The following ATP8A2 variants were observed in gnomAD, a reference collection of about 807,000 sequenced individuals.
The protein encoded by ATP8A2 is ATPase phospholipid transporting 8A2.
In ATP8A2, 100 loss-of-function variants were observed where a neutral mutation model predicts 165.6. The observed-to-expected ratio is 0.60, with a 90% confidence interval of 0.51 to 0.71. The LOEUF is 0.71. ATP8A2 is among the 30% of genes least tolerant of loss of function. The probability of loss-of-function intolerance (pLI) is 0.00; values close to 1 mark genes in which losing one functional copy is unlikely to be tolerated. For synonymous variants in ATP8A2, 543 were observed against 548.8 expected (o/e 0.99, Z 0.15); for missense variants, 1,227 against 1,479.5 (o/e 0.83, Z 2.80).
chr13:25,903,994 T>A (rs1953850325), intron 33 of ATP8A2, among the ~76,000 whole-genome samples: 1 of 152,206 alleles, frequency 6.6e-6, no homozygotes, highest in African/African-American at 2.4e-5. Flanking sequence ...TTGTACAAAC[T>A]CTGCAGATTG....
chr13:26,004,259 GTGT>G (rs1259295775), intron 35 of ATP8A2, among the ~76,000 whole-genome samples: 4 of 151,936 alleles, frequency 2.6e-5, no homozygotes, highest in African/African-American at 7.2e-5. Flanking sequence ...TAAGTATTTT[GTGT>G]TGTTGTTGTG....
intron 1 of ATP8A2, among the ~76,000 whole-genome samples, chr13:25,409,867 T>C (rs1039761443): frequency 4.6e-5 from 7 of 152,036 alleles, no homozygotes; most frequent in African/African-American, 1.7e-4. Flanking sequence ...AGAAATGAGA[T>C]GAAATGATAT....
chr13:25,953,480 A>C lies in ATP8A2; in HGVS notation c.3184-8095A>C, dbSNP rs1197926405. ...TTTCAAATCCACGCCACATTGGGGA[A>C]CACAAACTGACCTTATGTAGCCCTG... On this transcript the variant is annotated intron_variant, in intron 33 of 36. Coordinates refer to ENST00000381655, the MANE Select transcript of ATP8A2 (RefSeq NM_016529.6). This position sits in a 1 kb window ranked among gnomAD's most constrained non-coding sequence, Gnocchi z 6.7. 6.6e-6 allele frequency among the ~76,000 whole-genome samples: 1 copy of C among 151,040 alleles called. No individual in the cohort carries two copies. The highest frequency in any genetic ancestry group is 6.6e-5 in the Admixed American group (1 of 15,176).
At chr13:25,839,657 G>A in intron 30 of ATP8A2, 33 bp downstream of exon 30, 1 of 1,573,286 alleles carries the variant, frequency 6.4e-7, no homozygotes, top group Non-Finnish European at 8.7e-7. Flanking sequence ...TGTCAGCAAG[G>A]AGCTTTGCAG....
At chr13:25,400,402 T>C (rs969396886) in intron 1 of ATP8A2, among the ~76,000 whole-genome samples, 18 of 152,236 alleles carry the variant, frequency 1.2e-4, no homozygotes, top group African/African-American at 4.3e-4. Flanking sequence ...TAATATTTTA[T>C]ATATTTATGG....
intron 30 of ATP8A2, among the ~76,000 whole-genome samples, chr13:25,857,845 A>G (rs1366548086): frequency 6.6e-6 from 1 of 152,098 alleles, no homozygotes; most frequent in African/African-American, 2.4e-5. Context: ...TGCTGGGATT[A>G]CAGGTGTGAG....
intron 27 of ATP8A2, among the ~76,000 whole-genome samples, chr13:25,782,580 A>C (rs2044908695): frequency 6.6e-6 from 1 of 152,128 alleles, no homozygotes; most frequent in African/African-American, 2.4e-5. Flanking sequence ...CAGATGCCAA[A>C]ATTTGTGGAT....
intron 33 of ATP8A2, among the ~76,000 whole-genome samples, chr13:25,949,520 A>G (rs1955294594): frequency 1.3e-5 from 2 of 152,240 alleles, no homozygotes; most frequent in Non-Finnish European, 2.9e-5. Flanking sequence ...GGAAGATTGC[A>G]ATCTAGAAAT....
chr13:25,421,458 C>G (rs1267722047), intron 1 of ATP8A2, among the ~76,000 whole-genome samples: 1 of 152,182 alleles, frequency 6.6e-6, no homozygotes, highest in Non-Finnish European at 1.5e-5. Flanking sequence ...CCTCAGCCCC[C>G]CAAGTAGCTA....
chr13:25,954,709 C>T (rs971652018), intron 33 of ATP8A2, among the ~76,000 whole-genome samples: 13 of 152,118 alleles, frequency 8.5e-5, no homozygotes, highest in African/African-American at 3.1e-4. Flanking sequence ...CTGTTGATAC[C>T]CAGACAAACA....
chr13:25,606,770 G>T (rs777445879), intron 24 of ATP8A2, among the ~76,000 whole-genome samples: 1 of 152,162 alleles, frequency 6.6e-6, no homozygotes, highest in Non-Finnish European at 1.5e-5. Flanking sequence ...GCTATCCATT[G>T]TAATAGTTGC....
chr13:25,453,677 T>A (rs1259938975), intron 1 of ATP8A2, among the ~76,000 whole-genome samples: 2 of 152,230 alleles, frequency 1.3e-5, no homozygotes, highest in African/African-American at 4.8e-5. Flanking sequence ...ACTAAATATG[T>A]GCTTTGCTTC....
intron 33 of ATP8A2, among the ~76,000 whole-genome samples, chr13:25,934,541 C>T (rs1419283751): frequency 6.6e-6 from 1 of 152,244 alleles, no homozygotes. Flanking sequence ...AAACCATCCT[C>T]ATCTACCAAA....
chr13:25,412,156 G>T (rs946152755), intron 1 of ATP8A2, among the ~76,000 whole-genome samples: 2 of 152,174 alleles, frequency 1.3e-5, no homozygotes, highest in Non-Finnish European at 2.9e-5. Context: ...CCAGGAGGGG[G>T]ACAGGTATAG....
At chr13:25,900,172 G>C (rs1239121594) in intron 33 of ATP8A2, among the ~76,000 whole-genome samples, 1 of 152,212 alleles carries the variant, frequency 6.6e-6, no homozygotes, top group Non-Finnish European at 1.5e-5. Flanking sequence ...TGAAATTTCT[G>C]GGTGGCTGGA....
chr13:25,423,513 G>A (rs976054190), intron 1 of ATP8A2, among the ~76,000 whole-genome samples: 1 of 152,096 alleles, frequency 6.6e-6, no homozygotes, highest in East Asian at 1.9e-4. Context: ...GAATTTTGTA[G>A]TACACTTCCA....
intron 24 of ATP8A2, among the ~76,000 whole-genome samples, chr13:25,679,562 A>G (rs2042440515): frequency 6.6e-6 from 1 of 152,146 alleles, no homozygotes; most frequent in Non-Finnish European, 1.5e-5. Context: ...ATGTGTTCAT[A>G]TTTTTCACAT....
intron 35 of ATP8A2, among the ~76,000 whole-genome samples, chr13:25,986,922 C>T (rs1040762767): frequency 2.6e-5 from 4 of 152,300 alleles, no homozygotes; most frequent in Admixed American, 2.0e-4. Flanking sequence ...TCAGCACTCT[C>T]TGTACTGTTT....
At chr13:25,823,187 T>C (rs1951224248) in intron 27 of ATP8A2, among the ~76,000 whole-genome samples, 1 of 152,322 alleles carries the variant, frequency 6.6e-6, no homozygotes, top group African/African-American at 2.4e-5. Context: ...AAGAATTTGA[T>C]CTTTTTTGAA....
Sources: allele counts gnomAD v4.1 joint callset (sites outside exome capture counted in the v4.1 genomes callset), GRCh38; gene constraint gnomAD v4.1.1; non-coding constraint Gnocchi (gnomAD v3.1); transcripts MANE v1.5; gene names NCBI Gene and HGNC (gene_info 2026-07-23, HGNC 2026-07-21).